TMLHE: variants seen among roughly 807,000 people sequenced by gnomAD.
TMLHE encodes the protein trimethyllysine hydroxylase, epsilon.
TMLHE carries 18 observed loss-of-function variants against 25.7 expected under a neutral mutation model. The observed-to-expected ratio is 0.70, with a 90% confidence interval of 0.48 to 1.04. The LOEUF (loss-of-function observed/expected upper bound fraction) is 1.04. TMLHE is among the 50% of genes least tolerant of loss of function. The pLI is 0.00. For missense variants in TMLHE, 236 were observed against 259.0 expected, an observed-to-expected ratio of 0.91 and a Z score of 0.61; for synonymous variants, 105 against 97.0, an observed-to-expected ratio of 1.08 and a Z score of -0.49.
chrX:155,524,401 T>C, intron 3 of TMLHE, 55 bp downstream of exon 3: 1 of 971,943 alleles, frequency 1.0e-6, no homozygotes, highest in Non-Finnish European at 1.3e-6. Flanking sequence ...TTCCACAAAA[T>C]AACTGTCCTT....
At chrX:155,580,174 G>C (rs1557344342) in intron 1 of TMLHE, among the ~76,000 whole-genome samples, 1 of 111,439 alleles carries the variant, frequency 9.0e-6, no homozygotes, top group African/African-American at 3.3e-5. Context: ...TAAAAAGTGG[G>C]TGAAGAACAT....
chrX:155,578,158 G>T (rs2067603098), intron 1 of TMLHE, among the ~76,000 whole-genome samples: 1 of 111,700 alleles, frequency 9.0e-6, no homozygotes, highest in Admixed American at 9.4e-5. Context: ...TGAGCAGGCT[G>T]TGTGCCCCAC....
chrX:155,597,856 C>T (rs188686164), intron 1 of TMLHE, among the ~76,000 whole-genome samples: 39 of 108,871 alleles, frequency 3.6e-4, no homozygotes, highest in African/African-American at 1.2e-3. Flanking sequence ...ATAAGGAATA[C>T]TCAACCTGTA....
In TMLHE at chrX:155,508,715, A is replaced by G. The variant is rs193044865; in HGVS notation, c.759-1581T>C. ...TGGTATGTCTCAGGGATCAAGTAAG[A>G]TGACAGTACACACTGGATATGACAA... On this transcript the variant is annotated intron_variant, in intron 5 of 7. Coordinates refer to ENST00000334398, the MANE Select transcript of TMLHE (RefSeq NM_018196.4). Among the ~76,000 whole-genome samples, 138 of 111,001 alleles carry G rather than the reference A, an allele frequency of 1.2e-3. 1 individual carries two copies. The highest frequency in any genetic ancestry group is 4.3e-3 in the African/African-American group (133 of 30,690).
intron 1 of TMLHE, among the ~76,000 whole-genome samples, chrX:155,549,720 G>C (rs781783712): frequency 3.6e-5 from 4 of 109,790 alleles, no homozygotes; most frequent in South Asian, 3.9e-4. Flanking sequence ...TATTTTATCA[G>C]ATTTATGCTG....
At chrX:155,576,667 C>G (rs1034121900) in intron 1 of TMLHE, among the ~76,000 whole-genome samples, 12 of 111,694 alleles carry the variant, frequency 1.1e-4, no homozygotes, top group African/African-American at 3.9e-4. Flanking sequence ...AAGATATAGA[C>G]CAATGGAACA....
At chrX:155,511,426 C>CTTT (rs55802050) in intron 5 of TMLHE, among the ~76,000 whole-genome samples, 7 of 101,473 alleles carry the variant, frequency 6.9e-5, no homozygotes, top group African/African-American at 2.5e-4. Flanking sequence ...TTAAATCTCT[C>CTTT]TTTTTTTTTT....
Position 155,545,224 on chromosome X carries a change from T to C in TMLHE, c.53A>G (p.Lys18Arg). Reference sequence around the variant, plus strand: ...AAGGGCCGGATATATGACTCCTCCCTTCAGCAAGTCCTGAAGCCTGCTGTG... The same window carrying C: ...AAGGGCCGGATATATGACTCCTCCCCTCAGCAAGTCCTGAAGCCTGCTGTG... ...HLHSRLQDLLKGGVIYPALPQ... is the reference protein window; with the variant it reads ...HLHSRLQDLLRGGVIYPALPQ... Residue 18 changes from lysine (K) to arginine (R), a missense_variant, in exon 2 of 8, where the codon AAG (lysine) becomes AGG (arginine). By Grantham distance (26) the Lys-to-Arg change is conservative. This residue lies in a region of TMLHE where 217 missense variants were observed against 214.6 expected (regional missense o/e 1.01). Coordinates refer to ENST00000334398, the MANE Select transcript of TMLHE (RefSeq NM_018196.4). 1.7e-6 allele frequency: 2 copies of C among 1,209,028 alleles called. No homozygotes were observed. The highest frequency in any genetic ancestry group is 2.2e-6 in the Non-Finnish European group (2 of 894,234).
At chrX:155,514,522 T>A (rs2067139392) in intron 3 of TMLHE, among the ~76,000 whole-genome samples, 1 of 110,914 alleles carries the variant, frequency 9.0e-6, no homozygotes, top group African/African-American at 3.3e-5. Flanking sequence ...TATAGTTATA[T>A]AGTAAAAGAT....
chrX:155,580,452 C>T (rs1257111339), intron 1 of TMLHE, among the ~76,000 whole-genome samples: 8 of 111,673 alleles, frequency 7.2e-5, no homozygotes, highest in Admixed American at 5.7e-4. Context: ...ATAGAACTAC[C>T]GTTTGATCCA....
At chrX:155,540,912 A>C (rs1557338102) in intron 2 of TMLHE, among the ~76,000 whole-genome samples, 1 of 111,547 alleles carries the variant, frequency 9.0e-6, no homozygotes, top group African/African-American at 3.3e-5. Context: ...ATGCAATAAA[A>C]AGTATTATAA....
At chrX:155,510,572 C>T (rs1489980365) in intron 5 of TMLHE, among the ~76,000 whole-genome samples, 4 of 109,361 alleles carry the variant, frequency 3.7e-5, no homozygotes, top group African/African-American at 9.9e-5. Flanking sequence ...CTACAAAGGA[C>T]ATGAACTCAT....
intron 1 of TMLHE, among the ~76,000 whole-genome samples, chrX:155,605,618 C>A (rs1557347758): frequency 1.8e-5 from 2 of 111,896 alleles, no homozygotes; most frequent in East Asian, 5.6e-4. Context: ...AAACAAAAGA[C>A]TATTACTGGC....
intron 1 of TMLHE, among the ~76,000 whole-genome samples, chrX:155,611,279 G>A (rs1347730009): frequency 1.8e-5 from 2 of 110,853 alleles, no homozygotes; most frequent in Non-Finnish European, 3.8e-5. Flanking sequence ...GGGGATGCTT[G>A]GTATTATAGA....
intron 3 of TMLHE, among the ~76,000 whole-genome samples, chrX:155,514,488 AG>A (rs1168415090): frequency 5.4e-5 from 6 of 111,082 alleles, no homozygotes; most frequent in African/African-American, 2.0e-4. Context: ...AAATCTTCCC[AG>A]AGGCTAAATA....
At chrX:155,560,319 C>T (rs1022087753) in intron 1 of TMLHE, among the ~76,000 whole-genome samples, 3 of 110,401 alleles carry the variant, frequency 2.7e-5, no homozygotes, top group African/African-American at 9.8e-5. Context: ...ATCATTTGAA[C>T]AAATATTTGT....
intron 1 of TMLHE, among the ~76,000 whole-genome samples, chrX:155,587,499 T>A (rs1284956802): frequency 1.8e-5 from 2 of 111,379 alleles, no homozygotes; most frequent in Admixed American, 9.6e-5. Context: ...AACATAATAC[T>A]GGAAGTGCTA....
At chrX:155,515,734 TC>T (rs1272413166) in intron 3 of TMLHE, among the ~76,000 whole-genome samples, 3 of 111,555 alleles carry the variant, frequency 2.7e-5, no homozygotes, top group Non-Finnish European at 5.7e-5. Flanking sequence ...AAGAATACTT[TC>T]TATATTTGTT....
chrX:155,540,028 T>C (rs1238901753), intron 2 of TMLHE, among the ~76,000 whole-genome samples: 1 of 106,344 alleles, frequency 9.4e-6, no homozygotes, highest in Non-Finnish European at 1.9e-5. Context: ...TGAAGAAAAA[T>C]GAGGAGAGCC....
Sources: gnomAD v4.1 joint callset for allele counts (sites outside exome capture counted in the v4.1 genomes callset) on GRCh38, gnomAD v4.1.1 for gene constraint, gnomAD v4.1.1 regional missense constraint, MANE v1.5 for transcripts, NCBI Gene and HGNC (gene_info 2026-07-23, HGNC 2026-07-21) for gene names.